Variants in PCDHA1 observed in about 807,000 individuals in gnomAD.
The protein encoded by PCDHA1 is protocadherin alpha-1.
Under a neutral mutation model 61.3 loss-of-function variants are expected in PCDHA1, and 42 were observed. The observed-to-expected ratio is 0.69, with a 90% CI of 0.54 to 0.89. The LOEUF (loss-of-function observed/expected upper bound fraction) is 0.89. Among genes scored for constraint, PCDHA1 ranks in the 40% least tolerant of loss-of-function variants. PCDHA1 has a pLI of 0.00. For synonymous variants in PCDHA1, 610 were observed against 553.8 expected (o/e 1.10, Z -1.43); for missense variants, 1,256 against 1,235.3 (o/e 1.02, Z -0.25).
At chr5:140,830,182 C>A (rs2150182524) in intron 1 of PCDHA1, 1 of 1,613,656 alleles carries the variant, frequency 6.2e-7, no homozygotes. Context: ...TGGATGTCAA[C>A]GTGTACCTGA....
In PCDHA1 at chr5:140,787,158, C is replaced by A; in HGVS notation, c.868C>A (p.Gln290Lys). 1.2e-6 allele frequency: 2 copies of A among 1,613,642 alleles called. No homozygotes were observed. The highest frequency in any genetic ancestry group is 8.5e-7 in the Non-Finnish European group (1 of 1,179,878). Residue 290 changes from glutamine to lysine, a missense_variant, in exon 1 of 4, where the codon CAA becomes AAA. Transcript: ENST00000504120. ...TGACAGTGGTATTTCTCGTGACATT[C>A]AAGAAAAATTCAAAGTTGATTCCAG... ...SFDSGISRDI[Q>K]EKFKVDSSSG...
chr5:140,809,525 A>G, intron 1 of PCDHA1: 1 of 1,614,066 alleles, frequency 6.2e-7, no homozygotes. Context: ...ACCTGACTCT[A>G]GGGACAGAGA....
chr5:140,926,141 A>T (rs2082938262), intron 1 of PCDHA1, among the ~76,000 whole-genome samples: 1 of 152,038 alleles, frequency 6.6e-6, no homozygotes, highest in Non-Finnish European at 1.5e-5. Context: ...AGCAGGATCC[A>T]GCGCGGAAAG....
intron 1 of PCDHA1, among the ~76,000 whole-genome samples, chr5:140,902,102 GA>G (rs782818661): frequency 1.3e-5 from 2 of 151,098 alleles, no homozygotes; most frequent in Non-Finnish European, 2.9e-5. Context: ...GGAGTCTTTA[GA>G]TTTTTTTAAA....
In PCDHA1 at chr5:140,788,441, G is replaced by C; in HGVS notation, c.2151G>C (p.Leu717=). The C allele has an allele frequency of 6.2e-7, 1 of 1,614,136 alleles. No individual in the cohort carries two copies. Among genetic ancestry groups the C allele is most frequent in the Non-Finnish European group, 8.5e-7 (1 of 1,180,006 alleles). ...VSSLLVLTLL[L]YTALRCSVPP... is the part of the protein sequence containing the mutation. ...GCCTGCTGGTGCTCACACTGCTGCTGTACACGGCGCTGCGGTGCTCAGTGC... is the reference window on the plus strand; with the variant it reads ...GCCTGCTGGTGCTCACACTGCTGCTCTACACGGCGCTGCGGTGCTCAGTGC... The change falls in exon 1 of 4, where the codon CTG becomes CTC. Residue 717 remains leucine, a synonymous_variant. Coordinates refer to ENST00000504120, the MANE Select transcript of PCDHA1 (RefSeq NM_018900.4).
chr5:140,915,630 C>G (rs2077218866), intron 1 of PCDHA1, among the ~76,000 whole-genome samples: 1 of 142,802 alleles, frequency 7.0e-6, no homozygotes, highest in South Asian at 2.1e-4. Flanking sequence ...CTTTCTGTCT[C>G]TCTCTCTCTC....
At chr5:140,977,936 A>G (rs1444613652) in intron 1 of PCDHA1, among the ~76,000 whole-genome samples, 2 of 152,202 alleles carry the variant, frequency 1.3e-5, no homozygotes, top group African/African-American at 4.8e-5. Context: ...CTATACCTCA[A>G]TATTCAGTGA....
chr5:140,929,698 G>A (rs2086308201), intron 1 of PCDHA1: 1 of 263,620 alleles, frequency 3.8e-6, no homozygotes, highest in Non-Finnish European at 7.5e-6. Flanking sequence ...TGCTTTATAT[G>A]AATATAATAT....
intron 3 of PCDHA1, among the ~76,000 whole-genome samples, chr5:141,007,135 C>G (rs1183279253): frequency 2.6e-5 from 4 of 152,074 alleles, no homozygotes; most frequent in Non-Finnish European, 5.9e-5. Context: ...GATGAGGAGA[C>G]TGACAAAGGA....
chr5:140,842,180 A>G lies in PCDHA1; in HGVS notation c.2394+53496A>G, dbSNP rs199588480. ...ATATTCTTTTAATAGCCTTGTTGAA[A>G]CTATGGTTATTGACCACTTTAGCAT... On this transcript the variant is annotated intron_variant, in intron 1 of 3. Coordinates refer to ENST00000504120, the MANE Select transcript of PCDHA1 (RefSeq NM_018900.4). The G allele has an allele frequency of 3.0e-4, 482 of 1,613,200 alleles. 6 individuals are homozygous for G. Among genetic ancestry groups the G allele is most frequent in the African/African-American group, 2.2e-3 (168 of 74,850 alleles).
intron 1 of PCDHA1, among the ~76,000 whole-genome samples, chr5:140,826,430 C>A (rs2150079400): frequency 6.6e-6 from 1 of 152,162 alleles, no homozygotes; most frequent in Admixed American, 6.5e-5. Context: ...TAGAATTTCA[C>A]ATGGAAGAAA....
At chr5:140,806,782 T>C in intron 1 of PCDHA1, 1 of 197,052 alleles carries the variant, frequency 5.1e-6, no homozygotes, top group South Asian at 1.1e-4. Context: ...AAAACCTGTG[T>C]TGAAAAAATT....
In PCDHA1 at chr5:140,928,627, T is replaced by G. The variant is rs782634688; in HGVS notation, c.2395-50322T>G. The G allele has an allele frequency of 1.5e-5, 24 of 1,614,220 alleles. No homozygotes were observed. The highest frequency in any genetic ancestry group is 1.9e-5 in the Non-Finnish European group (23 of 1,180,026). On this transcript the variant is annotated intron_variant, in intron 1 of 3. Transcript: ENST00000504120. ...GCCCCGCTCTGCCAGGACTGGACAC[T>G]TGGTCACAAAAGTGGTAGCAGAGGA...
At chr5:140,874,041 G>C (rs1385679236) in intron 1 of PCDHA1, among the ~76,000 whole-genome samples, 1 of 152,212 alleles carries the variant, frequency 6.6e-6, no homozygotes, top group African/African-American at 2.4e-5. Flanking sequence ...GAAACTTGGT[G>C]ATGATATTAG....
At chr5:140,917,354 G>T (rs148449289) in intron 1 of PCDHA1, among the ~76,000 whole-genome samples, 7 of 143,854 alleles carry the variant, frequency 4.9e-5, no homozygotes, top group African/African-American at 1.8e-4. Flanking sequence ...GTAGGCTTCT[G>T]TTCCACTATC....
intron 1 of PCDHA1, chr5:140,849,459 G>T (rs2150438078): frequency 1.3e-6 from 2 of 1,587,980 alleles, no homozygotes. Flanking sequence ...CCCAGTCGAG[G>T]CTGTCGATAA....
chr5:140,849,583 C>T (rs2040974619), intron 1 of PCDHA1: 4 of 1,598,684 alleles, frequency 2.5e-6, no homozygotes, highest in Non-Finnish European at 3.4e-6. Flanking sequence ...AAAGAGGACG[C>T]ACAACTGGGG....
intron 1 of PCDHA1, among the ~76,000 whole-genome samples, chr5:140,889,614 AT>A (rs1488109035): frequency 5.9e-5 from 9 of 151,496 alleles, no homozygotes; most frequent in Admixed American, 5.9e-4. Flanking sequence ...AATTATACTG[AT>A]TCATTTCTCT....
chr5:140,863,019 T>A (rs781817571), intron 1 of PCDHA1: 6 of 554,136 alleles, frequency 1.1e-5, no homozygotes, highest in Admixed American at 5.7e-5. Context: ...GACGCCTGGT[T>A]GTCGCAACAG....
Sources: allele counts gnomAD v4.1 joint callset (sites outside exome capture counted in the v4.1 genomes callset), GRCh38; gene constraint gnomAD v4.1.1; transcripts MANE v1.5; gene names NCBI Gene and HGNC (gene_info 2026-07-23, HGNC 2026-07-21).